Variants in KCNMA1 observed in about 807,000 individuals in gnomAD.
KCNMA1 encodes the protein Calcium-activated potassium channel subunit alpha-1.
In KCNMA1, 29 loss-of-function variants were observed where a neutral mutation model predicts 140.0. The ratio of observed to expected loss-of-function variants is 0.21; its 90% CI spans 0.15 to 0.28. The LOEUF (loss-of-function observed/expected upper bound fraction) is 0.28. KCNMA1 is among the 10% of genes least tolerant of loss of function. KCNMA1 has a pLI of 1.00. For synonymous variants in KCNMA1, 612 were observed against 611.9 expected (o/e 1.00, Z 0.00); for missense variants, 880 against 1,602.2 (o/e 0.55, Z 7.70).
intron 15 of KCNMA1, among the ~76,000 whole-genome samples, chr10:77,036,460 T>G (rs150488601): frequency 1.8e-3 from 269 of 152,324 alleles, no homozygotes; most frequent in African/African-American, 6.2e-3. Context: ...AGGGAGCATT[T>G]TGCCAGCCTA....
At chr10:77,265,252 A>G (rs2063114289) in intron 2 of KCNMA1, among the ~76,000 whole-genome samples, 1 of 152,106 alleles carries the variant, frequency 6.6e-6, no homozygotes. Context: ...GGGTTTCACC[A>G]TGTTGGCCAA....
intron 2 of KCNMA1, among the ~76,000 whole-genome samples, chr10:77,373,165 C>T (rs1320319268): frequency 1.3e-5 from 2 of 152,210 alleles, no homozygotes; most frequent in Non-Finnish European, 2.9e-5. Flanking sequence ...CCTCCAGTGC[C>T]TATGTAAACT....
intron 1 of KCNMA1, among the ~76,000 whole-genome samples, chr10:77,484,928 G>A (rs1199872108): frequency 6.6e-6 from 1 of 152,200 alleles, no homozygotes; most frequent in Non-Finnish European, 1.5e-5. Flanking sequence ...TGTGGCTGCA[G>A]GAAGTTCACT....
At chr10:77,171,770 T>G (rs949272982) in intron 5 of KCNMA1, among the ~76,000 whole-genome samples, 21 of 152,136 alleles carry the variant, frequency 1.4e-4, no homozygotes, top group African/African-American at 4.8e-4. Flanking sequence ...TTATTTCTAT[T>G]AAGCTCCCAG....
At chr10:77,218,424 G>A (rs777939627) in intron 3 of KCNMA1, among the ~76,000 whole-genome samples, 16 of 152,176 alleles carry the variant, frequency 1.1e-4, no homozygotes, top group Non-Finnish European at 1.6e-4. Flanking sequence ...TATTCCCACT[G>A]GGGAATAACT....
At chr10:77,248,431 C>T (rs1599923951) in intron 3 of KCNMA1, among the ~76,000 whole-genome samples, 1 of 152,266 alleles carries the variant, frequency 6.6e-6, no homozygotes, top group East Asian at 1.9e-4. Context: ...GGTTTAGATT[C>T]ACTTGTGGGA....
chr10:77,305,215 G>A (rs1229161396), intron 2 of KCNMA1, among the ~76,000 whole-genome samples: 1 of 152,120 alleles, frequency 6.6e-6, no homozygotes, highest in Non-Finnish European at 1.5e-5. Flanking sequence ...GACAGGGTTG[G>A]GACCAGGTGC....
At chr10:77,508,340 A>ATT (rs58578775) in intron 1 of KCNMA1, among the ~76,000 whole-genome samples, 32,720 of 131,362 alleles carry the variant, frequency 0.25, 4,268 homozygotes, top group Middle Eastern at 0.34. Context: ...ATGCCTGGCT[A>ATT]TTTTTTTTTT....
In KCNMA1 at chr10:77,039,838, C is replaced by CT. The variant is rs55797485; in HGVS notation, c.1750-202dup. Among the ~76,000 whole-genome samples, 453 of 145,662 alleles carry CT rather than the reference C, an allele frequency of 3.1e-3. 1 individual carries two copies. Among genetic ancestry groups the CT allele is most frequent in the Middle Eastern group, 0.019 (5 of 268 alleles). On this transcript the variant is annotated intron_variant, in intron 14 of 27. Transcript: ENST00000286628. ...CATAAAGTGTGTGCCCTCTAAAACA[C>CT]TTTTTTAACCTGTGTGATTTCTTTC...
chr10:77,353,010 G>T (rs2093077230), intron 2 of KCNMA1, among the ~76,000 whole-genome samples: 1 of 152,224 alleles, frequency 6.6e-6, no homozygotes, highest in African/African-American at 2.4e-5. Context: ...TCCCCTGAAT[G>T]CAAAATTAGA....
intron 2 of KCNMA1, among the ~76,000 whole-genome samples, chr10:77,327,367 T>A (rs536420170): frequency 4.7e-4 from 72 of 151,860 alleles, no homozygotes; most frequent in Non-Finnish European, 8.7e-4. Flanking sequence ...GTTGTTGTTG[T>A]TTGAGATGGA....
chr10:77,219,222 G>A (rs767947093), intron 3 of KCNMA1, among the ~76,000 whole-genome samples: 2 of 152,248 alleles, frequency 1.3e-5, no homozygotes, highest in East Asian at 1.9e-4. Flanking sequence ...TGTTGTTTTT[G>A]TTGTTGTTGT....
chr10:76,914,667 C>A (rs1049414982), intron 24 of KCNMA1: 14 of 400,846 alleles, frequency 3.5e-5, no homozygotes, highest in African/African-American at 2.7e-4. Flanking sequence ...AATTGAATGC[C>A]CCAATCGCAA....
chr10:77,440,541 G>C (rs2097372919), intron 1 of KCNMA1, among the ~76,000 whole-genome samples: 1 of 152,200 alleles, frequency 6.6e-6, no homozygotes, highest in Non-Finnish European at 1.5e-5. Context: ...CAAAAGTGAA[G>C]ATTTAAATGC....
chr10:77,593,276 G>A (rs2079792703), intron 1 of KCNMA1, among the ~76,000 whole-genome samples: 1 of 152,204 alleles, frequency 6.6e-6, no homozygotes, highest in Non-Finnish European at 1.5e-5. Flanking sequence ...ACAGCCCACA[G>A]TCCTGAGTTC....
At chr10:76,986,227 A>T (rs2153274957) in intron 19 of KCNMA1, among the ~76,000 whole-genome samples, 1 of 152,374 alleles carries the variant, frequency 6.6e-6, no homozygotes, top group Non-Finnish European at 1.5e-5. Flanking sequence ...AACAACAACA[A>T]CAACAAAATA....
intron 1 of KCNMA1, among the ~76,000 whole-genome samples, chr10:77,608,031 G>A (rs1381974276): frequency 2.0e-5 from 3 of 152,068 alleles, no homozygotes; most frequent in Non-Finnish European, 4.4e-5. Flanking sequence ...GGACTATGCT[G>A]CTTTCTGCCT....
At chr10:77,095,124 G>A (rs1035456048) in intron 9 of KCNMA1, among the ~76,000 whole-genome samples, 15 of 152,208 alleles carry the variant, frequency 9.9e-5, no homozygotes, top group African/African-American at 3.6e-4. Context: ...GTTCAGCTAT[G>A]AGAGTAGCTA....
intron 5 of KCNMA1, among the ~76,000 whole-genome samples, chr10:77,137,595 C>A (rs2098073134): frequency 6.6e-6 from 1 of 152,102 alleles, no homozygotes; most frequent in Non-Finnish European, 1.5e-5. Context: ...GCTTCTTAGC[C>A]CCAGCACAGA....
Sources: allele counts gnomAD v4.1 joint callset (sites outside exome capture counted in the v4.1 genomes callset), GRCh38; gene constraint gnomAD v4.1.1; transcripts MANE v1.5; gene names NCBI Gene and HGNC (gene_info 2026-07-23, HGNC 2026-07-21).